TAS2R1: variants seen among roughly 807,000 people sequenced by gnomAD.
TAS2R1 encodes the protein taste receptor type 2 member 1.
For missense variants in TAS2R1, 370 were observed against 353.4 expected (o/e 1.05, Z -0.38); for synonymous variants, 141 against 134.2 (o/e 1.05, Z -0.35).
the TAS2R1 span, among the ~76,000 whole-genome samples, chr5:9,772,255 A>C: frequency 1.3e-5 from 2 of 152,010 alleles, no homozygotes; most frequent in South Asian, 4.1e-4. Flanking sequence ...TAATTTCTTC[A>C]TTGACACACT....
chr5:9,886,440 T>A, the TAS2R1 span, among the ~76,000 whole-genome samples: 2 of 143,750 alleles, frequency 1.4e-5, no homozygotes, highest in Non-Finnish European at 3.0e-5. Flanking sequence ...GTCCAAGCAA[T>A]CCTGCCTCAG....
the TAS2R1 span, among the ~76,000 whole-genome samples, chr5:9,758,551 C>A: frequency 6.6e-6 from 1 of 152,106 alleles, no homozygotes; most frequent in African/African-American, 2.4e-5. Context: ...GAGAAGAGAC[C>A]ATTATTGTCC....
the TAS2R1 span, among the ~76,000 whole-genome samples, chr5:9,726,090 G>A: frequency 5.5e-4 from 84 of 152,082 alleles, no homozygotes; most frequent in African/African-American, 2.0e-3. Flanking sequence ...TGGGGCCTTG[G>A]AGAACCTTTA....
the TAS2R1 span, among the ~76,000 whole-genome samples, chr5:9,722,253 A>G: frequency 6.6e-6 from 1 of 152,244 alleles, no homozygotes. Context: ...CTGCAACCTC[A>G]TGAAAGACTC....
At chr5:9,690,529 A>C (rs78951691) in intron 1 of TAS2R1, among the ~76,000 whole-genome samples, 1,557 of 152,220 alleles carry the variant, frequency 0.01, 27 homozygotes, top group African/African-American at 0.036. Context: ...AACTCAGTTT[A>C]TGGAAAATAA....
At chr5:9,777,706 C>T in the TAS2R1 span, among the ~76,000 whole-genome samples, 5 of 152,214 alleles carry the variant, frequency 3.3e-5, no homozygotes, top group African/African-American at 1.2e-4. Context: ...ACAGTAATCA[C>T]TATCTATAGC....
the TAS2R1 span, among the ~76,000 whole-genome samples, chr5:9,743,617 A>G: frequency 6.6e-6 from 1 of 152,208 alleles, no homozygotes; most frequent in East Asian, 1.9e-4. Context: ...AGTCATGGAA[A>G]TATAAATGAT....
At chr5:9,848,521 G>A in the TAS2R1 span, among the ~76,000 whole-genome samples, 1 of 152,114 alleles carries the variant, frequency 6.6e-6, no homozygotes, top group Non-Finnish European at 1.5e-5. Context: ...GTCATCTATT[G>A]TACAGCAGAA....
the TAS2R1 span, among the ~76,000 whole-genome samples, chr5:9,762,727 G>A: frequency 6.6e-6 from 1 of 151,944 alleles, no homozygotes; most frequent in Non-Finnish European, 1.5e-5. Flanking sequence ...GGAAAGAGTG[G>A]CAAAGTTCAC....
At chr5:9,816,608 A>G in the TAS2R1 span, among the ~76,000 whole-genome samples, 3 of 152,118 alleles carry the variant, frequency 2.0e-5, no homozygotes, top group Non-Finnish European at 4.4e-5. Flanking sequence ...AAATAGTCAG[A>G]AATAATGTAT....
At chr5:9,666,635 A>G (rs966516828) in intron 1 of TAS2R1, among the ~76,000 whole-genome samples, 1 of 152,102 alleles carries the variant, frequency 6.6e-6, no homozygotes, top group African/African-American at 2.4e-5. Context: ...GCATCTTCCT[A>G]TTGCTGGGTG....
chr5:9,649,692 G>A (rs1236388034), intron 2 of TAS2R1, among the ~76,000 whole-genome samples: 1 of 152,184 alleles, frequency 6.6e-6, no homozygotes, highest in Non-Finnish European at 1.5e-5. Context: ...TGCATTAAAA[G>A]TGGAGGCATA....
At chr5:9,809,570 T>C in the TAS2R1 span, among the ~76,000 whole-genome samples, 1 of 152,096 alleles carries the variant, frequency 6.6e-6, no homozygotes, top group East Asian at 1.9e-4. Context: ...TACATCCTGA[T>C]CTTGGACCTC....
At chr5:9,708,433 T>C (rs1741666721) in intron 1 of TAS2R1, among the ~76,000 whole-genome samples, 2 of 152,162 alleles carry the variant, frequency 1.3e-5, no homozygotes, top group Admixed American at 6.5e-5. Context: ...GAAATACATA[T>C]AAAGGGAGTA....
chr5:9,675,360 T>A (rs1320009092), intron 1 of TAS2R1, among the ~76,000 whole-genome samples: 1 of 151,404 alleles, frequency 6.6e-6, no homozygotes, highest in Non-Finnish European at 1.5e-5. Context: ...CAATTCATTC[T>A]TGTATGTTTA....
At chr5:9,712,738 C>T (rs1265699826), upstream of TAS2R1, among the ~76,000 whole-genome samples, 1 of 152,064 alleles carries the variant, frequency 6.6e-6, no homozygotes, top group East Asian at 1.9e-4. Flanking sequence ...CGTGCGCTGT[C>T]TCTCTCTCTC....
intron 1 of TAS2R1, among the ~76,000 whole-genome samples, chr5:9,699,603 CT>C (rs1185124231): frequency 6.6e-6 from 1 of 151,962 alleles, no homozygotes; most frequent in Admixed American, 6.6e-5. Context: ...ACACACTGTC[CT>C]TGTGGACTGT....
chr5:9,667,710 G>A (rs1740665901), intron 1 of TAS2R1, among the ~76,000 whole-genome samples: 1 of 152,010 alleles, frequency 6.6e-6, no homozygotes, highest in African/African-American at 2.4e-5. Flanking sequence ...CCAGTCAACT[G>A]AACCCACTTT....
chr5:9,817,524 G>T, the TAS2R1 span, among the ~76,000 whole-genome samples: 124,979 of 152,146 alleles, frequency 0.82, 51,991 homozygotes, highest in African/African-American at 0.95. Context: ...TTGGGGGTGA[G>T]GGCAATGTTC....
Sources: allele counts gnomAD v4.1 joint callset (sites outside exome capture counted in the v4.1 genomes callset), GRCh38; gene constraint gnomAD v4.1.1; transcripts MANE v1.5; gene names NCBI Gene and HGNC (gene_info 2026-07-23, HGNC 2026-07-21).